RSRC1: variants seen among roughly 807,000 people sequenced by gnomAD.
RSRC1 encodes the protein arginine and serine rich coiled-coil 1.
In RSRC1, 39 loss-of-function variants were observed where a neutral mutation model predicts 49.1. The ratio of observed to expected loss-of-function variants is 0.79; its 90% confidence interval spans 0.61 to 1.04. The LOEUF (loss-of-function observed/expected upper bound fraction) is 1.04. RSRC1 is among the 50% of genes least tolerant of loss of function. The probability of loss-of-function intolerance (pLI) is 0.00; values close to 1 mark genes in which losing one functional copy is unlikely to be tolerated. For missense variants in RSRC1, 388 were observed against 402.4 expected, an observed-to-expected ratio of 0.96 and a Z score of 0.31; for synonymous variants, 143 against 130.8, an observed-to-expected ratio of 1.09 and a Z score of -0.63.
At chr3:158,502,803 C>A (rs1739663555) in intron 7 of RSRC1, among the ~76,000 whole-genome samples, 1 of 152,044 alleles carries the variant, frequency 6.6e-6, no homozygotes, top group African/African-American at 2.4e-5. Flanking sequence ...TTGGGTTTGC[C>A]TTTCTCTGGT....
intron 4 of RSRC1, among the ~76,000 whole-genome samples, chr3:158,289,509 G>C (rs931774308): frequency 6.6e-6 from 1 of 152,184 alleles, no homozygotes; most frequent in African/African-American, 2.4e-5. Flanking sequence ...ACTTACCTGT[G>C]CAAATGATTT....
At chr3:158,370,339 A>G (rs747713851) in intron 6 of RSRC1, among the ~76,000 whole-genome samples, 5 of 152,022 alleles carry the variant, frequency 3.3e-5, no homozygotes, top group Non-Finnish European at 7.4e-5. Context: ...CAGCTGTGTC[A>G]CTTTGACCAA....
chr3:158,216,197 CT>C (rs1195149280), intron 4 of RSRC1, among the ~76,000 whole-genome samples: 2 of 151,198 alleles, frequency 1.3e-5, no homozygotes, highest in Admixed American at 6.6e-5. Flanking sequence ...TTATTTTCCC[CT>C]GACTTTCTCA....
chr3:158,390,953 A>G (rs1733251076), intron 6 of RSRC1, among the ~76,000 whole-genome samples: 1 of 152,064 alleles, frequency 6.6e-6, no homozygotes, highest in Non-Finnish European at 1.5e-5. Flanking sequence ...GACTCTCCAA[A>G]ATTACTTATT....
At chr3:158,120,292 G>A (rs550129350) in intron 1 of RSRC1, among the ~76,000 whole-genome samples, 13 of 152,098 alleles carry the variant, frequency 8.5e-5, no homozygotes, top group Non-Finnish European at 1.9e-4. Context: ...TTAGACATGT[G>A]AGCAACTTGG....
At chr3:158,384,074 A>G (rs1190537609) in intron 6 of RSRC1, among the ~76,000 whole-genome samples, 1 of 152,136 alleles carries the variant, frequency 6.6e-6, no homozygotes, top group Non-Finnish European at 1.5e-5. Flanking sequence ...GTAGACTTCT[A>G]TGTATTAGTA....
chr3:158,442,742 AG>A (rs1315981712), intron 6 of RSRC1, among the ~76,000 whole-genome samples: 3 of 152,042 alleles, frequency 2.0e-5, no homozygotes, highest in Admixed American at 1.3e-4. Context: ...AGTCCATCAG[AG>A]GACTTTCAAG....
intron 5 of RSRC1, among the ~76,000 whole-genome samples, chr3:158,324,872 T>G (rs973754565): frequency 5.9e-5 from 9 of 152,224 alleles, no homozygotes; most frequent in Admixed American, 3.3e-4. Context: ...TTCCTATTTC[T>G]CCACATCCTC....
intron 5 of RSRC1, among the ~76,000 whole-genome samples, chr3:158,320,168 A>G (rs1224802521): frequency 6.6e-6 from 1 of 152,234 alleles, no homozygotes; most frequent in East Asian, 1.9e-4. Context: ...TGCTCACTCA[A>G]GGAATAAGAC....
intron 7 of RSRC1, among the ~76,000 whole-genome samples, chr3:158,513,029 G>C (rs1326544186): frequency 1.6e-4 from 21 of 134,330 alleles, no homozygotes; most frequent in African/African-American, 4.0e-4. Flanking sequence ...AGACAATGGG[G>C]TTTTCTAGAT....
rs779268255 is a variant in RSRC1 at position 158,544,325 on chromosome 3, T to TA, written c.*51dup. On this transcript the variant is annotated 3_prime_UTR_variant, in exon 10 of 10. Coordinates refer to ENST00000611884, the MANE Select transcript of RSRC1 (RefSeq NM_001271838.2). ...ATTGTCAGCAGTAACATTGGAAATT[T>TA]AGGTTTTTAAATCCCAATATTAACT... 22 of 1,249,454 alleles carry TA rather than the reference T, an allele frequency of 1.8e-5. No individual in the cohort carries two copies. Among genetic ancestry groups the TA allele is most frequent in the Non-Finnish European group, 2.4e-5 (21 of 888,186 alleles). 77.4% of individuals were successfully genotyped at this position (1,249,454 alleles called of 1,614,324 possible). A position where few individuals can be genotyped will look rare whatever the true frequency, so the allele number is the denominator to read the frequency against.
chr3:158,532,980 G>C (rs1166219550), intron 7 of RSRC1, among the ~76,000 whole-genome samples: 1 of 151,624 alleles, frequency 6.6e-6, no homozygotes, highest in Non-Finnish European at 1.5e-5. Context: ...GCACAAAATT[G>C]TTAAATGACA....
At chr3:158,274,086 T>A (rs1725670942) in intron 4 of RSRC1, among the ~76,000 whole-genome samples, 1 of 152,128 alleles carries the variant, frequency 6.6e-6, no homozygotes, top group Non-Finnish European at 1.5e-5. Flanking sequence ...TTGGCATTGT[T>A]TATGTATTTT....
intron 7 of RSRC1, among the ~76,000 whole-genome samples, chr3:158,509,949 GGA>G (rs1740065008): frequency 1.3e-5 from 2 of 152,160 alleles, no homozygotes; most frequent in Non-Finnish European, 2.9e-5. Flanking sequence ...TATATGCCTA[GGA>G]GTAGAATTGC....
At chr3:158,336,032 C>G (rs1215788477) in intron 5 of RSRC1, among the ~76,000 whole-genome samples, 1 of 152,198 alleles carries the variant, frequency 6.6e-6, no homozygotes, top group African/African-American at 2.4e-5. Context: ...GAGGAGGACT[C>G]ATTTAATCCG....
intron 7 of RSRC1, among the ~76,000 whole-genome samples, chr3:158,473,430 G>A (rs1026014815): frequency 1.3e-5 from 2 of 152,128 alleles, no homozygotes; most frequent in South Asian, 4.1e-4. Context: ...ACCAAACACT[G>A]CATGTTCTTA....
chr3:158,439,075 A>T (rs13065211), intron 6 of RSRC1, among the ~76,000 whole-genome samples: 1 of 152,162 alleles, frequency 6.6e-6, no homozygotes, highest in South Asian at 2.1e-4. Context: ...GCTCATCATC[A>T]CTGGCCATCA....
chr3:158,323,283 A>G (rs1728866181), intron 5 of RSRC1, among the ~76,000 whole-genome samples: 1 of 152,114 alleles, frequency 6.6e-6, no homozygotes, highest in Admixed American at 6.6e-5. Context: ...CTTTTTTAGC[A>G]TGGCTCCTTA....
chr3:158,257,016 A>C (rs1328618749), intron 4 of RSRC1, among the ~76,000 whole-genome samples: 2 of 152,128 alleles, frequency 1.3e-5, no homozygotes, highest in African/African-American at 2.4e-5. Context: ...CTTCTCAAAA[A>C]ACCAGCTCCT....
Sources: allele counts gnomAD v4.1 joint callset (sites outside exome capture counted in the v4.1 genomes callset), GRCh38; gene constraint gnomAD v4.1.1; transcripts MANE v1.5; gene names NCBI Gene and HGNC (gene_info 2026-07-23, HGNC 2026-07-21).